The following KLF12 variants were observed in gnomAD, a reference collection of about 807,000 sequenced individuals.
The protein encoded by KLF12 is KLF transcription factor 12, also known as Krueppel-like factor 12.
KLF12 carries 9 observed loss-of-function variants against 37.8 expected under a neutral mutation model. The ratio of observed to expected loss-of-function variants is 0.24; its 90% confidence interval spans 0.14 to 0.42. The LOEUF is 0.42. Ranked by LOEUF, KLF12 falls within the 10% of genes least tolerant of loss-of-function variation. KLF12 has a pLI of 1.00. For synonymous variants in KLF12, 208 were observed against 202.1 expected (o/e 1.03, Z -0.25); for missense variants, 411 against 516.0 (o/e 0.80, Z 1.97).
chr13:73,903,003 T>C (rs1012210900), intron 3 of KLF12, among the ~76,000 whole-genome samples: 3 of 152,234 alleles, frequency 2.0e-5, no homozygotes, highest in Non-Finnish European at 4.4e-5. Context: ...CACAGCTGGT[T>C]TATTCAGATC....
intron 7 of KLF12, among the ~76,000 whole-genome samples, chr13:73,696,400 C>A (rs749331896): frequency 4.6e-5 from 7 of 152,258 alleles, no homozygotes; most frequent in Admixed American, 1.3e-4. Flanking sequence ...GACCGGGTCT[C>A]TCAGTCAACT....
chr13:73,875,934 C>G (rs1439516451), intron 3 of KLF12, among the ~76,000 whole-genome samples: 1 of 152,056 alleles, frequency 6.6e-6, no homozygotes, highest in African/African-American at 2.4e-5. Flanking sequence ...CCTTTGTTTT[C>G]ATGTTTAGGT....
At chr13:74,162,275 G>A in the KLF12 span, among the ~76,000 whole-genome samples, 1 of 152,186 alleles carries the variant, frequency 6.6e-6, no homozygotes, top group Non-Finnish European at 1.5e-5. Context: ...TTTGCCTACT[G>A]TCCTCCTCCT....
At chr13:73,779,549 C>T (rs1174122050) in intron 5 of KLF12, among the ~76,000 whole-genome samples, 3 of 152,184 alleles carry the variant, frequency 2.0e-5, no homozygotes, top group Non-Finnish European at 2.9e-5. Flanking sequence ...TCTGGCTGCC[C>T]GAGTTGCATC....
intron 1 of KLF12, among the ~76,000 whole-genome samples, chr13:74,099,480 T>C (rs1876182024): frequency 1.3e-5 from 2 of 152,222 alleles, no homozygotes; most frequent in Non-Finnish European, 2.9e-5. Context: ...AGAAGAACAC[T>C]ATGTAAAATC....
intron 1 of KLF12, among the ~76,000 whole-genome samples, chr13:74,081,069 C>G (rs1285115632): frequency 6.6e-6 from 1 of 152,190 alleles, no homozygotes; most frequent in Admixed American, 6.5e-5. Flanking sequence ...AATGACCAAC[C>G]AGTACCAACC....
At chr13:73,833,595 G>A (rs1020510019) in intron 4 of KLF12, among the ~76,000 whole-genome samples, 1 of 152,146 alleles carries the variant, frequency 6.6e-6, no homozygotes, top group African/African-American at 2.4e-5. Flanking sequence ...TGTTTGTGGG[G>A]GTGGTGGTGG....
At chr13:74,221,217 A>G in the KLF12 span, among the ~76,000 whole-genome samples, 2 of 152,156 alleles carry the variant, frequency 1.3e-5, no homozygotes, top group African/African-American at 2.4e-5. Context: ...TGTGTTAGCC[A>G]GGATGGTCTC....
chr13:73,943,971 T>C lies in KLF12; in HGVS notation c.123+10A>G, dbSNP rs766780662. The C allele has an allele frequency of 3.2e-6, 5 of 1,587,000 alleles. No individual in the cohort carries two copies. In the Admixed American group the frequency reaches 8.4e-5, roughly 27 times the overall value. The stretch of plus-strand genomic sequence containing the variant: ...AAAGGAGTGGGGCATTGCTGGAAAC[T>C]TGTGCTTACCCCTTGTTCAGATTCC... On this transcript the variant is annotated intron_variant, in intron 3 of 7. Coordinates refer to ENST00000377669, the MANE Select transcript of KLF12 (RefSeq NM_007249.5).
the KLF12 span, among the ~76,000 whole-genome samples, chr13:74,294,049 G>A: frequency 6.6e-6 from 1 of 152,152 alleles, no homozygotes; most frequent in African/African-American, 2.4e-5. Context: ...CCGTCAAAGG[G>A]ACCTTATTAA....
intron 6 of KLF12, among the ~76,000 whole-genome samples, chr13:73,716,112 T>A (rs1875784564): frequency 6.6e-6 from 1 of 152,198 alleles, no homozygotes; most frequent in Non-Finnish European, 1.5e-5. Flanking sequence ...AGTTGGAGTT[T>A]CTTTGTGGTG....
At chr13:73,936,601 AGTT>A (rs1416413336) in intron 3 of KLF12, among the ~76,000 whole-genome samples, 1 of 151,976 alleles carries the variant, frequency 6.6e-6, no homozygotes, top group Non-Finnish European at 1.5e-5. Flanking sequence ...CTCACAAACT[AGTT>A]GTCCTAACTT....
chr13:74,297,921 GA>G, the KLF12 span, among the ~76,000 whole-genome samples: 1 of 152,136 alleles, frequency 6.6e-6, no homozygotes. Flanking sequence ...AGGAAAATGG[GA>G]GAATTTATAT....
At chr13:74,014,525 G>T (rs1041360040) in intron 1 of KLF12, among the ~76,000 whole-genome samples, 1 of 151,988 alleles carries the variant, frequency 6.6e-6, no homozygotes, top group Non-Finnish European at 1.5e-5. Flanking sequence ...TTGCCACAGG[G>T]GACTATTGAT....
the KLF12 span, among the ~76,000 whole-genome samples, chr13:74,161,549 C>T: frequency 6.6e-6 from 1 of 152,126 alleles, no homozygotes; most frequent in African/African-American, 2.4e-5. Flanking sequence ...AACAGATTCT[C>T]CCTCAGAACC....
At chr13:73,859,121 T>TGGG (rs1291105776) in intron 3 of KLF12, among the ~76,000 whole-genome samples, 2 of 152,192 alleles carry the variant, frequency 1.3e-5, no homozygotes, top group Non-Finnish European at 2.9e-5. Flanking sequence ...AGGTCTTTTC[T>TGGG]GGGGCAAGTG....
At chr13:74,110,437 C>T (rs965255573) in intron 1 of KLF12, among the ~76,000 whole-genome samples, 1 of 152,234 alleles carries the variant, frequency 6.6e-6, no homozygotes, top group Admixed American at 6.5e-5. Context: ...CCAATGTATT[C>T]TGTCTCTTCC....
At chr13:74,188,945 T>C in the KLF12 span, among the ~76,000 whole-genome samples, 1 of 152,076 alleles carries the variant, frequency 6.6e-6, no homozygotes, top group Non-Finnish European at 1.5e-5. Context: ...TGCAGTGAGC[T>C]GACATTGAGC....
At chr13:73,891,732 T>C (rs939306392) in intron 3 of KLF12, among the ~76,000 whole-genome samples, 2 of 152,104 alleles carry the variant, frequency 1.3e-5, no homozygotes, top group African/African-American at 4.8e-5. Flanking sequence ...AAAGATACAG[T>C]TGGTGCTGCA....
Sources: allele counts gnomAD v4.1 joint callset (sites outside exome capture counted in the v4.1 genomes callset), GRCh38; gene constraint gnomAD v4.1.1; transcripts MANE v1.5; gene names NCBI Gene and HGNC (gene_info 2026-07-23, HGNC 2026-07-21).